ST7: variants seen among roughly 807,000 people sequenced by gnomAD.
The protein encoded by ST7 is suppressor of tumorigenicity 7 protein.
A neutral mutation model predicts 78.7 loss-of-function variants in ST7; 28 were observed. The ratio of observed to expected loss-of-function variants is 0.36; its 90% CI spans 0.26 to 0.49. The LOEUF (loss-of-function observed/expected upper bound fraction) is 0.49. Among genes scored for constraint, ST7 ranks in the 20% least tolerant of loss-of-function variants. The pLI, the probability that ST7 is intolerant of heterozygous loss-of-function variation, is 0.99. For synonymous variants in ST7, 247 were observed against 249.6 expected (o/e 0.99, Z 0.10); for missense variants, 418 against 696.0 (o/e 0.60, Z 4.49).
At chr7:117,046,173 G>T (rs1186924195) in intron 1 of ST7, among the ~76,000 whole-genome samples, 2 of 151,110 alleles carry the variant, frequency 1.3e-5, no homozygotes, top group African/African-American at 4.9e-5. Context: ...GTTTTTTTTT[G>T]ACTGTGTCAT....
chr7:117,026,649 A>G (rs1171162712), intron 1 of ST7, among the ~76,000 whole-genome samples: 6 of 152,338 alleles, frequency 3.9e-5, no homozygotes, highest in Middle Eastern at 3.4e-3. Context: ...GCTTGGATTC[A>G]TATCATGGCT....
chr7:117,066,251 A>G (rs998052550), intron 1 of ST7, among the ~76,000 whole-genome samples: 1 of 152,192 alleles, frequency 6.6e-6, no homozygotes, highest in African/African-American at 2.4e-5. Context: ...CCAGATTCCC[A>G]CAAGTGTTGA....
intron 1 of ST7, among the ~76,000 whole-genome samples, chr7:117,049,353 G>A (rs1018930573): frequency 1.3e-5 from 2 of 152,134 alleles, no homozygotes; most frequent in Admixed American, 6.5e-5. Flanking sequence ...TGGCACCTGG[G>A]AACTCATCTG....
At chr7:116,966,247 C>CTTTTTTTTTT (rs374887005) in intron 1 of ST7, 18 of 178,532 alleles carry the variant, frequency 1.0e-4, no homozygotes, top group South Asian at 7.2e-5. Context: ...TTTTTTCTTT[C>CTTTTTTTTTT]TTTTTTTTTT....
chr7:117,200,780 G>A (rs1433822441), intron 12 of ST7, among the ~76,000 whole-genome samples: 1 of 149,586 alleles, frequency 6.7e-6, no homozygotes, highest in Non-Finnish European at 1.5e-5. Flanking sequence ...AGAATGAAGA[G>A]TGTTATGACA....
chr7:117,074,003 G>GA (rs1239650726), intron 1 of ST7: 1 of 152,032 alleles, frequency 6.6e-6, no homozygotes, highest in Non-Finnish European at 1.5e-5. Context: ...TTGAAATTAA[G>GA]AAAAAAATTA....
intron 9 of ST7, among the ~76,000 whole-genome samples, chr7:117,152,180 T>C (rs1216229304): frequency 8.4e-5 from 2 of 23,876 alleles, no homozygotes; most frequent in Admixed American, 3.0e-4. Flanking sequence ...ATAAAAACTA[T>C]ATATATATAT....
chr7:117,083,253 T>TTTTG (rs1032711589), intron 1 of ST7, among the ~76,000 whole-genome samples: 1 of 151,852 alleles, frequency 6.6e-6, no homozygotes. Context: ...ATATATATAT[T>TTTTG]TTTGTTTGTT....
chr7:117,217,770 C>T (rs1433807037), intron 13 of ST7, among the ~76,000 whole-genome samples: 1 of 152,182 alleles, frequency 6.6e-6, no homozygotes, highest in Non-Finnish European at 1.5e-5. Flanking sequence ...TTTACCTCAG[C>T]AAACTGCCAG....
chr7:117,140,086 C>T (rs946698134), intron 9 of ST7, among the ~76,000 whole-genome samples: 2 of 152,178 alleles, frequency 1.3e-5, no homozygotes, highest in African/African-American at 4.8e-5. Flanking sequence ...GGAACAAATT[C>T]TGATGATTTT....
intron 3 of ST7, among the ~76,000 whole-genome samples, chr7:117,126,171 A>T (rs1803820740): frequency 6.6e-6 from 1 of 151,954 alleles, no homozygotes; most frequent in African/African-American, 2.4e-5. Context: ...TTCTGGGAAG[A>T]TGTGGTAACT....
intron 11 of ST7, among the ~76,000 whole-genome samples, chr7:117,189,833 C>T (rs758193347): frequency 5.9e-5 from 9 of 152,198 alleles, no homozygotes; most frequent in Non-Finnish European, 8.8e-5. Flanking sequence ...ATTAGCCCCC[C>T]ACTGGTCTAT....
intron 1 of ST7, among the ~76,000 whole-genome samples, chr7:116,983,991 T>C (rs1794083014): frequency 6.6e-6 from 1 of 152,184 alleles, no homozygotes; most frequent in African/African-American, 2.4e-5. Flanking sequence ...TAAGGTGATA[T>C]CGATCAAATT....
chr7:116,963,066 A>C (rs879101464), intron 1 of ST7, among the ~76,000 whole-genome samples: 25 of 152,222 alleles, frequency 1.6e-4, no homozygotes, highest in African/African-American at 5.5e-4. Flanking sequence ...GCTATATTCT[A>C]TATTCTATAG....
intron 2 of ST7, among the ~76,000 whole-genome samples, chr7:117,115,418 G>A (rs1236041629): frequency 1.4e-5 from 2 of 147,884 alleles, no homozygotes; most frequent in African/African-American, 5.0e-5. Context: ...ACAGTCCCGC[G>A]ATCTCAGCTC....
At chr7:117,148,167 C>T (rs923099393) in intron 9 of ST7, among the ~76,000 whole-genome samples, 3 of 151,992 alleles carry the variant, frequency 2.0e-5, no homozygotes, top group African/African-American at 7.2e-5. Context: ...TTTTTGCATG[C>T]TCAGTTATTT....
At chr7:117,150,159 G>A (rs1806139544) in intron 9 of ST7, among the ~76,000 whole-genome samples, 1 of 152,134 alleles carries the variant, frequency 6.6e-6, no homozygotes, top group South Asian at 2.1e-4. Context: ...GAGGTGGGAA[G>A]GAGAAACTGG....
chr7:117,217,319 C>T lies in ST7; in HGVS notation c.1406-1765C>T, dbSNP rs190112519. Among the ~76,000 whole-genome samples the T allele has an allele frequency of 5.2e-4, 78 of 151,170 alleles. 1 individual carries two copies. In the Middle Eastern group the frequency reaches 0.01, roughly 20 times the overall value. On this transcript the variant is annotated intron_variant, in intron 13 of 15. Transcript: ENST00000323984. ...AAAAAACAAAAAAAAAAACTTCCCA[C>T]GTAGGTTTTTCCACATTTTTCAGAT...
At chr7:117,155,640 G>A (rs988584308) in intron 9 of ST7, among the ~76,000 whole-genome samples, 12 of 152,146 alleles carry the variant, frequency 7.9e-5, no homozygotes, top group Admixed American at 5.2e-4. Flanking sequence ...TCTCTCACTT[G>A]GAGTATACTA....
Sources: gnomAD v4.1 joint callset for allele counts (sites outside exome capture counted in the v4.1 genomes callset) on GRCh38, gnomAD v4.1.1 for gene constraint, MANE v1.5 for transcripts, NCBI Gene and HGNC (gene_info 2026-07-23, HGNC 2026-07-21) for gene names.